ZNF438: variants seen among roughly 807,000 people sequenced by gnomAD.
ZNF438 encodes zinc finger protein 438.
ZNF438 carries 25 observed loss-of-function variants against 38.0 expected under a neutral mutation model. That is an observed-to-expected ratio of 0.66 (90% CI 0.48 to 0.92). The LOEUF (loss-of-function observed/expected upper bound fraction) is 0.92, where lower values mean the gene tolerates loss of function less well. Ranked by LOEUF, ZNF438 falls within the 40% of genes least tolerant of loss-of-function variation. The pLI, the probability that ZNF438 is intolerant of heterozygous loss-of-function variation, is 0.00. For synonymous variants in ZNF438, 372 were observed against 364.1 expected (o/e 1.02, Z -0.25); for missense variants, 1,007 against 999.6 (o/e 1.01, Z -0.10).
Position 30,935,231 on chromosome 10 carries a change from G to A in ZNF438, c.-115+6344C>T, listed in dbSNP as rs193049589. Among the ~76,000 whole-genome samples the A allele has an allele frequency of 3.9e-5, 6 of 152,346 alleles. No homozygotes were observed. The East Asian group carries it at 1.2e-3, about 29-fold the overall frequency. ...TTGTTCAAGGTTGTTAGTGACAGAG[G>A]TTGTCTCAGTCCATTTAGTGTTGCT... On this transcript the variant is annotated intron_variant, in intron 2 of 5. Transcript: ENST00000413025.
At chr10:30,929,409 G>A (rs913034675) in intron 2 of ZNF438, among the ~76,000 whole-genome samples, 4 of 152,030 alleles carry the variant, frequency 2.6e-5, no homozygotes, top group Non-Finnish European at 5.9e-5. Flanking sequence ...CTCTTAAGGC[G>A]GTGTGTCTGG....
intron 2 of ZNF438, among the ~76,000 whole-genome samples, chr10:30,912,558 C>G (rs1321390737): frequency 6.6e-6 from 1 of 152,012 alleles, no homozygotes; most frequent in Non-Finnish European, 1.5e-5. Context: ...AGTCCAGACC[C>G]CTTCTATGAG....
chr10:30,891,359 C>T (rs56018272), intron 3 of ZNF438, among the ~76,000 whole-genome samples: 12,944 of 151,766 alleles, frequency 0.085, 630 homozygotes, highest in Non-Finnish European at 0.11. Flanking sequence ...TTAACTTTAC[C>T]TCCCAGTGTT....
intron 1 of ZNF438, among the ~76,000 whole-genome samples, chr10:31,027,649 G>C (rs566711933): frequency 6.6e-6 from 1 of 151,966 alleles, no homozygotes; most frequent in Non-Finnish European, 1.5e-5. Flanking sequence ...GATGTTCCTG[G>C]GAAACTAACT....
chr10:31,012,724 A>C (rs980109610), intron 1 of ZNF438, among the ~76,000 whole-genome samples: 3 of 152,036 alleles, frequency 2.0e-5, no homozygotes, highest in South Asian at 2.1e-4. Flanking sequence ...TTCACTCTCT[A>C]TCTTTCCTAA....
chr10:30,887,433 T>A (rs1467910506), intron 3 of ZNF438, among the ~76,000 whole-genome samples: 1 of 152,038 alleles, frequency 6.6e-6, no homozygotes, highest in African/African-American at 2.4e-5. Context: ...AGTGCAGTGG[T>A]GAGGTCTCGG....
intron 1 of ZNF438, among the ~76,000 whole-genome samples, chr10:30,948,401 A>C (rs1174318403): frequency 3.9e-5 from 6 of 152,222 alleles, no homozygotes; most frequent in Non-Finnish European, 8.8e-5. Context: ...CTGGATGGAG[A>C]ATGACTTCGA....
intron 4 of ZNF438, among the ~76,000 whole-genome samples, chr10:30,851,480 G>C (rs1231404128): frequency 6.6e-6 from 1 of 152,200 alleles, no homozygotes; most frequent in Non-Finnish European, 1.5e-5. Flanking sequence ...CCCAGGATTG[G>C]CTATTGCCAA....
At chr10:30,985,695 T>C (rs1056349006) in intron 1 of ZNF438, among the ~76,000 whole-genome samples, 1 of 152,230 alleles carries the variant, frequency 6.6e-6, no homozygotes, top group African/African-American at 2.4e-5. Flanking sequence ...GTTCTCCTTA[T>C]TCACAGTAGT....
At chr10:30,960,999 T>C (rs2049399692) in intron 1 of ZNF438, among the ~76,000 whole-genome samples, 1 of 145,486 alleles carries the variant, frequency 6.9e-6, no homozygotes, top group Non-Finnish European at 1.6e-5. Context: ...GTGCCAAAGA[T>C]ACAGAGAAAA....
At position 30,894,931 on chromosome 10, in the gene ZNF438, A is replaced by G. The variant is rs188549649; in HGVS notation, c.-32+14002T>C. Among the ~76,000 whole-genome samples, 9 of 152,320 alleles carry G rather than the reference A, an allele frequency of 5.9e-5. No homozygotes were observed. In the East Asian group the frequency reaches 1.7e-3, roughly 29 times the overall value. On this transcript the variant is annotated intron_variant, in intron 3 of 5. Coordinates refer to ENST00000413025, the Ensembl canonical transcript of ZNF438. The stretch of plus-strand genomic sequence containing the variant: ...GTTTATTAAAATTTAGGTTGGGATA[A>G]AGTTAAATATTTGAAGAGCATCTTT...
At position 30,849,348 on chromosome 10, in the gene ZNF438, G is replaced by A. The variant is rs951402337; in HGVS notation, c.1057C>T (p.Gln353Ter). ...AAGGCACTTTCACAGGCACTCTGCT[G>A]TGACACTTGTGGAACAGGTAGCCTG... is the stretch of plus-strand genomic sequence containing the variant. Residue 353 changes from glutamine to a stop codon, truncating the protein, a stop_gained, in exon 5 of 6, where the codon CAG becomes TAG. Transcript: ENST00000413025. LOFTEE classifies it high-confidence loss of function. 1 of 1,614,218 alleles carries A rather than the reference G, an allele frequency of 6.2e-7. No homozygotes were observed.
intron 1 of ZNF438, among the ~76,000 whole-genome samples, chr10:30,953,617 C>A (rs1171132356): frequency 6.7e-6 from 1 of 148,962 alleles, no homozygotes; most frequent in Non-Finnish European, 1.5e-5. Flanking sequence ...GCACATGTAC[C>A]CTAAAACTTA....
chr10:30,887,609 C>T (rs1274608144), intron 3 of ZNF438, among the ~76,000 whole-genome samples: 10 of 152,096 alleles, frequency 6.6e-5, no homozygotes, highest in South Asian at 2.1e-4. Flanking sequence ...AGGCTGGTCT[C>T]GAACTCCTGA....
At chr10:30,945,036 A>G (rs1409504039) in intron 1 of ZNF438, among the ~76,000 whole-genome samples, 1 of 143,082 alleles carries the variant, frequency 7.0e-6, no homozygotes, top group Non-Finnish European at 1.5e-5. Flanking sequence ...ACTTTACAGT[A>G]CTCTTCCAGA....
intron 5 of ZNF438, among the ~76,000 whole-genome samples, chr10:30,847,557 G>A (rs1343667165): frequency 1.3e-5 from 2 of 152,202 alleles, no homozygotes; most frequent in East Asian, 1.9e-4. Flanking sequence ...GTGGGGCTAA[G>A]AGAGCTGTAA....
At chr10:31,001,016 GTCATC>G (rs1256925023) in intron 1 of ZNF438, among the ~76,000 whole-genome samples, 12 of 152,070 alleles carry the variant, frequency 7.9e-5, no homozygotes, top group Non-Finnish European at 1.8e-4. Context: ...CCAGAGAACA[GTCATC>G]TCATCTCACC....
chr10:30,859,426 C>T (rs1406115029), intron 4 of ZNF438, among the ~76,000 whole-genome samples: 1 of 152,212 alleles, frequency 6.6e-6, no homozygotes, highest in Admixed American at 6.5e-5. Context: ...AGTGCTGGAA[C>T]TCAAATCCTA....
intron 1 of ZNF438, among the ~76,000 whole-genome samples, chr10:31,017,119 T>G (rs1426949378): frequency 1.3e-5 from 2 of 152,200 alleles, no homozygotes; most frequent in African/African-American, 2.4e-5. Context: ...AATTAAGTCT[T>G]CCATTCTGAA....
Sources: gnomAD v4.1 joint callset for allele counts (sites outside exome capture counted in the v4.1 genomes callset) on GRCh38, gnomAD v4.1.1 for gene constraint, MANE v1.5 for transcripts, NCBI Gene and HGNC (gene_info 2026-07-23, HGNC 2026-07-21) for gene names.